The following GRAMD4 variants were observed in gnomAD, a reference collection of about 807,000 sequenced individuals.
GRAMD4 encodes GRAM domain-containing protein 4.
In GRAMD4, 25 loss-of-function variants were observed where a neutral mutation model predicts 83.9. The ratio of observed to expected loss-of-function variants is 0.30; its 90% CI spans 0.22 to 0.42. The LOEUF (loss-of-function observed/expected upper bound fraction) is 0.42, where lower values mean the gene tolerates loss of function less well. Ranked by LOEUF, GRAMD4 falls within the 10% of genes least tolerant of loss-of-function variation. The probability of loss-of-function intolerance (pLI) is 1.00; values close to 1 mark genes in which losing one functional copy is unlikely to be tolerated. For missense variants in GRAMD4, 593 were observed against 788.7 expected (o/e 0.75, Z 2.97); for synonymous variants, 336 against 320.9 (o/e 1.05, Z -0.50).
chr22:46,595,376 T>C (rs1348628755), intron 1 of GRAMD4, among the ~76,000 whole-genome samples: 1 of 152,228 alleles, frequency 6.6e-6, no homozygotes, highest in Non-Finnish European at 1.5e-5. Context: ...TCCTGGGTTG[T>C]GAATCTCCCT....
intron 1 of GRAMD4, among the ~76,000 whole-genome samples, chr22:46,623,028 G>T (rs1325064280): frequency 6.6e-6 from 1 of 152,078 alleles, no homozygotes; most frequent in Non-Finnish European, 1.5e-5. Flanking sequence ...AGGAGATTTG[G>T]AGAGAGAATT....
chr22:46,619,689 T>A (rs1459807056), upstream of GRAMD4, among the ~76,000 whole-genome samples: 1 of 152,160 alleles, frequency 6.6e-6, no homozygotes, highest in Admixed American at 6.5e-5. Flanking sequence ...AGCTGCCCCA[T>A]CCTCACGTCC....
intron 1 of GRAMD4, among the ~76,000 whole-genome samples, chr22:46,600,634 C>T (rs143976060): frequency 3.3e-5 from 5 of 152,250 alleles, no homozygotes; most frequent in Non-Finnish European, 7.3e-5. Flanking sequence ...GCAGGTGCGT[C>T]CTGTACACTC....
rs2082416341 is a variant in GRAMD4 at position 46,666,814 on chromosome 22, C to G, written c.810-11C>G. The G allele has an allele frequency of 6.2e-7, 1 of 1,610,332 alleles. No individual in the cohort carries two copies. The highest frequency in any genetic ancestry group is 8.5e-7 in the Non-Finnish European group (1 of 1,177,866). On this transcript the variant is annotated splice_polypyrimidine_tract_variant and intron_variant, in intron 9 of 18. Transcript: ENST00000406902. ...GCTGTCCTAAAGGTGTGTGTGTTTT[C>G]TGTTCGCCAGGGGGTGGCGGATACA...
At chr22:46,610,368 A>G (rs1454501172) in intron 1 of GRAMD4, among the ~76,000 whole-genome samples, 3 of 152,296 alleles carry the variant, frequency 2.0e-5, no homozygotes, top group Admixed American at 1.3e-4. Flanking sequence ...ACGGTCAGTG[A>G]CAGCCCACGG....
upstream of GRAMD4, among the ~76,000 whole-genome samples, chr22:46,616,446 G>A (rs1325057727): frequency 3.0e-4 from 36 of 118,424 alleles, no homozygotes; most frequent in African/African-American, 5.3e-4. Flanking sequence ...TCCCCTGTGC[G>A]TGTAGGTTCC....
At chr22:46,577,244 G>A (rs2081050753) in exon 1 of GRAMD4, 1 of 976,786 alleles carries the variant, frequency 1.0e-6, no homozygotes, top group African/African-American at 1.8e-5. Context: ...CCGGCGAGGG[G>A]GGCGCCGCGG....
chr22:46,616,306 CTGTGTGTAGGTTCCCCTG>C (rs1893318571), upstream of GRAMD4, among the ~76,000 whole-genome samples: 2 of 26,388 alleles, frequency 7.6e-5, no homozygotes, highest in South Asian at 4.3e-3. Context: ...GTGGCTTCCC[CTGTGTGTAGGTTCCCCTG>C]TGTGTGTAGG....
At chr22:46,604,879 T>C (rs4823865) in intron 1 of GRAMD4, among the ~76,000 whole-genome samples, 19,534 of 102,194 alleles carry the variant, frequency 0.19, 2,048 homozygotes, top group East Asian at 0.53. Context: ...TCACCCAGGT[T>C]TTGGTGCCAT....
intron 8 of GRAMD4, among the ~76,000 whole-genome samples, chr22:46,665,399 T>C (rs1163532722): frequency 6.6e-6 from 1 of 152,210 alleles, no homozygotes; most frequent in Non-Finnish European, 1.5e-5. Context: ...CGCTTCTCCC[T>C]AGGTGTCTCC....
At chr22:46,609,456 A>G (rs1601552774) in intron 1 of GRAMD4, among the ~76,000 whole-genome samples, 1 of 152,192 alleles carries the variant, frequency 6.6e-6, no homozygotes, top group African/African-American at 2.4e-5. Flanking sequence ...AGAAGTTGAC[A>G]AAAGGGGAGG....
At chr22:46,585,919 G>T (rs1367296480) in intron 1 of GRAMD4, among the ~76,000 whole-genome samples, 1 of 152,194 alleles carries the variant, frequency 6.6e-6, no homozygotes, top group African/African-American at 2.4e-5. Context: ...TGTGCCTGCG[G>T]CTCCTCTGGG....
intron 1 of GRAMD4, among the ~76,000 whole-genome samples, chr22:46,579,174 C>T (rs1311327559): frequency 6.6e-6 from 1 of 152,202 alleles, no homozygotes; most frequent in African/African-American, 2.4e-5. Context: ...TTCTGGGTCT[C>T]CTGCTGAGGG....
chr22:46,673,328 G>C (rs2082541999), intron 14 of GRAMD4, among the ~76,000 whole-genome samples: 1 of 152,206 alleles, frequency 6.6e-6, no homozygotes, highest in Non-Finnish European at 1.5e-5. Flanking sequence ...GTTTGAGAAG[G>C]GCCCCCTTGG....
intron 2 of GRAMD4, among the ~76,000 whole-genome samples, chr22:46,628,129 G>A (rs969097110): frequency 6.6e-6 from 1 of 152,182 alleles, no homozygotes; most frequent in Admixed American, 6.5e-5. Context: ...TGGGTGTCTC[G>A]GGAACAAAAA....
Position 46,650,497 on chromosome 22 carries a change from C to T in GRAMD4, c.284-7690C>T, listed in dbSNP as rs73176519. The stretch of plus-strand genomic sequence containing the variant: ...AGTCTGGGCCTGTGTAGGCCTGAGC[C>T]GATGCATCTCCTTTGCCTCCCCTCA... On this transcript the variant is annotated intron_variant, in intron 3 of 18. Transcript: ENST00000406902. Among the ~76,000 whole-genome samples the T allele has an allele frequency of 3.9e-3, 594 of 152,196 alleles. 3 individuals carry two copies. Among genetic ancestry groups the T allele is most frequent in the Non-Finnish European group, 5.6e-3 (379 of 68,010 alleles).
At chr22:46,671,766 G>C (rs950540635) in intron 13 of GRAMD4, among the ~76,000 whole-genome samples, 1 of 152,046 alleles carries the variant, frequency 6.6e-6, no homozygotes, top group African/African-American at 2.4e-5. Flanking sequence ...CTTGAACCCG[G>C]GAGGTTGCAG....
rs1480883131 is a variant in GRAMD4, at chr22:46,659,821, G to T, written c.404+1514G>T. 6.6e-6 allele frequency among the ~76,000 whole-genome samples: 1 copy of T among 152,218 alleles called. No individual in the cohort carries two copies. Among genetic ancestry groups the T allele is most frequent in the Admixed American group, 6.5e-5 (1 of 15,282 alleles). On this transcript the variant is annotated intron_variant, in intron 4 of 18. Transcript: ENST00000406902. The surrounding 1 kb of genome is among the most constrained non-coding windows in gnomAD (Gnocchi z 4.1). ...TCCCAGACCAGAAATGGGTGCATGG[G>T]CCTCGGCAGGCGCTTTACCTGATGC... is the stretch of plus-strand genomic sequence containing the variant.
intron 1 of GRAMD4, among the ~76,000 whole-genome samples, chr22:46,598,173 G>T (rs1006838397): frequency 6.6e-6 from 1 of 151,948 alleles, no homozygotes; most frequent in Admixed American, 6.6e-5. Flanking sequence ...GTAGAGACAG[G>T]GTTTCTCCAT....
Sources: gnomAD v4.1 joint callset for allele counts (sites outside exome capture counted in the v4.1 genomes callset) on GRCh38, gnomAD v4.1.1 for gene constraint, Gnocchi (gnomAD v3.1) non-coding constraint, MANE v1.5 for transcripts, NCBI Gene and HGNC (gene_info 2026-07-23, HGNC 2026-07-21) for gene names.